The following CUL9 variants were observed in gnomAD, a reference collection of about 807,000 sequenced individuals.
CUL9 encodes the protein cullin-9.
CUL9 carries 79 observed loss-of-function variants against 272.6 expected under a neutral mutation model. The ratio of observed to expected loss-of-function variants is 0.29; its 90% CI spans 0.24 to 0.35. The LOEUF is 0.35. Among genes scored for constraint, CUL9 ranks in the 10% least tolerant of loss-of-function variants. The probability of loss-of-function intolerance (pLI) is 1.00; values close to 1 mark genes in which losing one functional copy is unlikely to be tolerated. For missense variants in CUL9, 2,532 were observed against 3,255.6 expected, an observed-to-expected ratio of 0.78 and a Z score of 5.41; for synonymous variants, 1,186 against 1,286.5, an observed-to-expected ratio of 0.92 and a Z score of 1.67.
chr6:43,206,587 G>T lies in CUL9; in HGVS notation c.5212+77G>T. On this transcript the variant is annotated intron_variant, in intron 26 of 40. Transcript: ENST00000252050. This position sits in a 1 kb window ranked among gnomAD's most constrained non-coding sequence, Gnocchi z 4.8. ...AAGAGAGGAAGAGGAGAGGACCTTTGGACAGGATATAGATGTGAAGAAAAA... is the reference window on the plus strand; with the variant it reads ...AAGAGAGGAAGAGGAGAGGACCTTTTGACAGGATATAGATGTGAAGAAAAA... 2 of 1,374,996 alleles carry T rather than the reference G, an allele frequency of 1.5e-6. No homozygotes were observed. Among genetic ancestry groups the T allele is most frequent in the Non-Finnish European group, 2.1e-6 (2 of 968,904 alleles). 85.2% of individuals were successfully genotyped at this position (1,374,996 alleles called of 1,614,324 possible).
At chr6:43,208,984 A>G (rs1432443317) in intron 26 of CUL9, among the ~76,000 whole-genome samples, 2 of 151,948 alleles carry the variant, frequency 1.3e-5, no homozygotes, top group Non-Finnish European at 2.9e-5. Flanking sequence ...AGCTGGGACT[A>G]TAGGTGTGCA....
Position 43,213,062 on chromosome 6 carries a change from A to G in CUL9, c.5213-87A>G. The stretch of plus-strand genomic sequence containing the variant: ...TGGGGCCCTCCTCCCCATAGGGACT[A>G]GTAGGAGCAAAGCTTGACACCTCAA... On this transcript the variant is annotated intron_variant, in intron 26 of 40. Transcript: ENST00000252050. The surrounding 1 kb of genome is among the most constrained non-coding windows in gnomAD (Gnocchi z 5.7). The G allele has an allele frequency of 1.4e-6, 2 of 1,446,256 alleles. No individual in the cohort carries two copies. The highest frequency in any genetic ancestry group is 1.9e-6 in the Non-Finnish European group (2 of 1,052,390). The allele number at this position is 1,446,256 out of a possible 1,614,324, so 89.6% of individuals were successfully genotyped here.
At chr6:43,222,162 GAAT>G (rs1159788833) in intron 35 of CUL9, 151 bp from the exon 36 acceptor site, 8 of 683,962 alleles carry the variant, frequency 1.2e-5, no homozygotes, top group Middle Eastern at 2.8e-4. Flanking sequence ...CAAAAGGGGT[GAAT>G]AATATGACCT....
At position 43,186,036 on chromosome 6, in the gene CUL9, G is replaced by A. The variant is rs145136960; in HGVS notation, c.832G>A (p.Glu278Lys). The A allele has an allele frequency of 6.2e-7, 1 of 1,614,256 alleles. No individual in the cohort carries two copies. Among genetic ancestry groups the A allele is most frequent in the Non-Finnish European group, 8.5e-7 (1 of 1,180,044 alleles). ...SLLDQLNSSP[E>K]LGAGDQSSPC... Reference sequence around the variant, plus strand: ...CCTGGATCAGCTGAATAGCAGTCCAGAGCTGGGAGCTGGAGACCAAAGCTC... The same window carrying A: ...CCTGGATCAGCTGAATAGCAGTCCAAAGCTGGGAGCTGGAGACCAAAGCTC... Residue 278 changes from glutamate to lysine, a missense_variant, in exon 4 of 41, where the codon GAG becomes AAG. Coordinates refer to ENST00000252050, the MANE Select transcript of CUL9 (RefSeq NM_015089.4).
rs1004256919 is a variant in CUL9, at chr6:43,218,406, C to T, written c.6282+1903C>T. Among the ~76,000 whole-genome samples the T allele has an allele frequency of 6.6e-6, 1 of 151,372 alleles. No homozygotes were observed. The highest frequency in any genetic ancestry group is 1.5e-5 in the Non-Finnish European group (1 of 67,876). ...TAATTTTTTGCATTTTTAGTAGAGA[C>T]GGGGTTTCACTGTGTTAGCCAGGAT... is the stretch of plus-strand genomic sequence containing the variant. On this transcript the variant is annotated intron_variant, in intron 31 of 40. Coordinates refer to ENST00000252050, the MANE Select transcript of CUL9 (RefSeq NM_015089.4). This position sits in a 1 kb window ranked among gnomAD's most constrained non-coding sequence, Gnocchi z 4.4.
Position 43,221,102 on chromosome 6 carries a change from C to G in CUL9, c.6589-56C>G. 3.2e-6 allele frequency: 5 copies of G among 1,586,162 alleles called. No homozygotes were observed. Among genetic ancestry groups the G allele is most frequent in the Non-Finnish European group, 4.3e-6 (5 of 1,167,186 alleles). On this transcript the variant is annotated intron_variant, in intron 33 of 40. Coordinates refer to ENST00000252050, the MANE Select transcript of CUL9 (RefSeq NM_015089.4). The surrounding 1 kb of genome is among the most constrained non-coding windows in gnomAD (Gnocchi z 4.2). ...CCTGCTCCCCTCTCTCCTGTGCACA[C>G]CAGCCATGCTGCCCTCACGGCTCAG...
chr6:43,184,990 T>A lies in CUL9; in HGVS notation c.595+85T>A. ...AAAGAGGAGAGATTTCCTAGCTCTG[T>A]AAGAACACCTAGTATTTGGTGAATA... On this transcript the variant is annotated intron_variant, in intron 2 of 40. Coordinates refer to ENST00000252050, the MANE Select transcript of CUL9 (RefSeq NM_015089.4). The surrounding 1 kb of genome is among the most constrained non-coding windows in gnomAD (Gnocchi z 4.8). 1 of 995,980 alleles carries A rather than the reference T, an allele frequency of 1.0e-6. No individual in the cohort carries two copies. The highest frequency in any genetic ancestry group is 1.4e-6 in the Non-Finnish European group (1 of 692,128). The allele number at this position is 995,980 out of a possible 1,614,324, so 61.7% of individuals were successfully genotyped here. A position where few individuals can be genotyped will look rare whatever the true frequency, so the allele number is the denominator to read the frequency against.
intron 21 of CUL9, 74 bp downstream of exon 21, chr6:43,204,613 T>TA: frequency 6.3e-7 from 1 of 1,595,572 alleles, no homozygotes; most frequent in Non-Finnish European, 8.6e-7. Flanking sequence ...CCCTGGGTCT[T>TA]ACTCTTGCTG....
intron 11 of CUL9, among the ~76,000 whole-genome samples, chr6:43,197,239 G>T (rs1342966533): frequency 2.6e-5 from 4 of 151,942 alleles, no homozygotes; most frequent in African/African-American, 9.7e-5. Context: ...TAGAGACAGG[G>T]TTTCACCATG....
At position 43,184,987 on chromosome 6, in the gene CUL9, C is replaced by T; in HGVS notation, c.595+82C>T. On this transcript the variant is annotated intron_variant, in intron 2 of 40. Transcript: ENST00000252050. The surrounding 1 kb of genome is among the most constrained non-coding windows in gnomAD (Gnocchi z 4.8). ...AAGAAAGAGGAGAGATTTCCTAGCT[C>T]TGTAAGAACACCTAGTATTTGGTGA... The T allele has an allele frequency of 9.7e-7, 1 of 1,029,986 alleles. No homozygotes were observed. The highest frequency in any genetic ancestry group is 1.4e-6 in the Non-Finnish European group (1 of 721,992). The allele number at this position is 1,029,986 out of a possible 1,614,324, so 63.8% of individuals were successfully genotyped here. A position where few individuals can be genotyped will look rare whatever the true frequency, so the allele number is the denominator to read the frequency against.
chr6:43,203,683 G>A lies in CUL9; in HGVS notation c.4025+91G>A. On this transcript the variant is annotated intron_variant, in intron 19 of 40. Transcript: ENST00000252050. The surrounding 1 kb of genome is among the most constrained non-coding windows in gnomAD (Gnocchi z 5.0). ...CTCCTGTGGGAGTCCGGAAGGGAAA[G>A]CTGCAGCCAGGACATGAGGGGGAAG... is the stretch of plus-strand genomic sequence containing the variant. The A allele has an allele frequency of 2.0e-6, 3 of 1,527,902 alleles. No individual in the cohort carries two copies. Among genetic ancestry groups the A allele is most frequent in the Non-Finnish European group, 2.7e-6 (3 of 1,131,860 alleles). The allele number at this position is 1,527,902 out of a possible 1,614,324, so 94.6% of individuals were successfully genotyped here.
Position 43,222,472 on chromosome 6 carries a change from G to C in CUL9, c.6922-59G>C. 3.7e-6 allele frequency: 6 copies of C among 1,604,048 alleles called. No homozygotes were observed. In the South Asian group the frequency reaches 6.6e-5, roughly 18 times the overall value. Reference sequence around the variant, plus strand: ...GTGGAGGGGGGTGGGCTGAAGGTCTGACCGGGCAGGTGGTGCTGCGCCACC... The same window carrying C: ...GTGGAGGGGGGTGGGCTGAAGGTCTCACCGGGCAGGTGGTGCTGCGCCACC... On this transcript the variant is annotated intron_variant, in intron 36 of 40. Transcript: ENST00000252050.
Position 43,191,681 on chromosome 6 carries a change from T to C in CUL9, c.2181-1320T>C, listed in dbSNP as rs528137203. ...CTCACTGCAACCTCCGCCTCCTGGGTTCAAGCGATTCTCCTGCCTCAGCCT... is the reference window on the plus strand; with the variant it reads ...CTCACTGCAACCTCCGCCTCCTGGGCTCAAGCGATTCTCCTGCCTCAGCCT... On this transcript the variant is annotated intron_variant, in intron 8 of 40. Coordinates refer to ENST00000252050, the MANE Select transcript of CUL9 (RefSeq NM_015089.4). Among the ~76,000 whole-genome samples, 13 of 151,290 alleles carry C rather than the reference T, an allele frequency of 8.6e-5. No homozygotes were observed. The South Asian group carries it at 2.7e-3, about 32-fold the overall frequency.
rs534117203 is a variant in CUL9, at chr6:43,203,761, G to C, written c.4026-93G>C. On this transcript the variant is annotated intron_variant, in intron 19 of 40. Transcript: ENST00000252050. This position sits in a 1 kb window ranked among gnomAD's most constrained non-coding sequence, Gnocchi z 5.0. ...ATTGGGAAAAGTTGGGTCAGGGACC[G>C]AACAGGGGTGATTGGGAGCTGATCT... 2 of 1,532,578 alleles carry C rather than the reference G, an allele frequency of 1.3e-6. No homozygotes were observed. Among genetic ancestry groups the C allele is most frequent in the African/African-American group, 1.4e-5 (1 of 72,896 alleles). 94.9% of individuals were successfully genotyped at this position (1,532,578 alleles called of 1,614,324 possible).
chr6:43,198,934 G>GTT, intron 12 of CUL9, 79 bp downstream of exon 12: 2 of 1,446,108 alleles, frequency 1.4e-6, no homozygotes, highest in South Asian at 1.3e-5. Context: ...TTTCTTTTCT[G>GTT]TTTTCTTTTT....
Position 43,203,590 on chromosome 6 carries a change from C to T in CUL9, c.4023C>T (p.Pro1341=), listed in dbSNP as rs777053021. ...ACCGGCGCCTCCTCCAGCTCTGTCCCAGGTGGGTGGGGCCTGAGGAGGGAA... is the reference window on the plus strand; with the variant it reads ...ACCGGCGCCTCCTCCAGCTCTGTCCTAGGTGGGTGGGGCCTGAGGAGGGAA... ...EDHRRLLQLC[P]RLNRVLRHEQ... is the part of the protein sequence containing the mutation. The change falls in exon 19 of 41, where the codon CCC becomes CCT. Residue 1341 remains proline (P), a splice_region_variant and synonymous_variant. Transcript: ENST00000252050. This position sits in a 1 kb window ranked among gnomAD's most constrained non-coding sequence, Gnocchi z 5.0. The T allele has an allele frequency of 3.1e-6, 5 of 1,612,744 alleles. No individual in the cohort carries two copies. The highest frequency in any genetic ancestry group is 4.2e-6 in the Non-Finnish European group (5 of 1,179,768).
rs1263031961 is a variant in CUL9 at position 43,191,819 on chromosome 6, A to G, written c.2181-1182A>G. On this transcript the variant is annotated intron_variant, in intron 8 of 40. Coordinates refer to ENST00000252050, the MANE Select transcript of CUL9 (RefSeq NM_015089.4). The stretch of plus-strand genomic sequence containing the variant: ...ACATTGGTCTCGAACTCCTGACCTC[A>G]AGTGATCCACCTACCTCAGTCTCCC... Among the ~76,000 whole-genome samples, 5 of 151,918 alleles carry G rather than the reference A, an allele frequency of 3.3e-5. No homozygotes were observed. In the East Asian group the frequency reaches 9.7e-4, roughly 29 times the overall value.
intron 11 of CUL9, among the ~76,000 whole-genome samples, chr6:43,197,885 G>A (rs1329930090): frequency 6.6e-6 from 1 of 152,196 alleles, no homozygotes; most frequent in Non-Finnish European, 1.5e-5. Flanking sequence ...TTGATACTGG[G>A]GAAGAAACCC....
intron 11 of CUL9, 66 bp from the exon 12 acceptor site, chr6:43,198,543 T>C: frequency 6.3e-7 from 1 of 1,582,380 alleles, no homozygotes; most frequent in Non-Finnish European, 8.6e-7. Context: ...ACCTTCCCAG[T>C]TCTCAGTTTG....
Sources: gnomAD v4.1 joint callset for allele counts (sites outside exome capture counted in the v4.1 genomes callset) on GRCh38, gnomAD v4.1.1 for gene constraint, Gnocchi (gnomAD v3.1) non-coding constraint, MANE v1.5 for transcripts, NCBI Gene and HGNC (gene_info 2026-07-23, HGNC 2026-07-21) for gene names.